RABGEF1: variants seen among roughly 807,000 people sequenced by gnomAD.
RABGEF1 encodes rab5 GDP/GTP exchange factor.
A neutral mutation model predicts 57.3 loss-of-function variants in RABGEF1; 26 were observed. The ratio of observed to expected loss-of-function variants is 0.45; its 90% CI spans 0.33 to 0.63. The LOEUF (loss-of-function observed/expected upper bound fraction) is 0.63. RABGEF1 is among the 20% of genes least tolerant of loss of function. The pLI is 0.02. For synonymous variants in RABGEF1, 185 were observed against 210.7 expected, an observed-to-expected ratio of 0.88 and a Z score of 1.06; for missense variants, 464 against 607.6, an observed-to-expected ratio of 0.76 and a Z score of 2.48.
intron 1 of RABGEF1, among the ~76,000 whole-genome samples, chr7:66,770,698 G>T (rs1806879871): frequency 6.6e-6 from 1 of 152,132 alleles, no homozygotes. Context: ...TGCCCAGGCT[G>T]GTCCTGAACT....
chr7:66,782,012 TAGTAG>T (rs957544372), intron 3 of RABGEF1, among the ~76,000 whole-genome samples: 2 of 152,216 alleles, frequency 1.3e-5, no homozygotes, highest in African/African-American at 4.8e-5. Flanking sequence ...GTTGTTAAGA[TAGTAG>T]AGTAAACCTG....
rs528140710 is a variant in RABGEF1, at chr7:66,703,178, G to A, written c.-872-8989G>A. On this transcript the variant is annotated intron_variant and NMD_transcript_variant, in intron 1 of 9. Transcript: ENST00000607882. ...TTTTTAGTAGAAATGGGGTTTCACCGTGTTACAGAATGGTCTCATCTCCTG... is the reference window on the plus strand; with the variant it reads ...TTTTTAGTAGAAATGGGGTTTCACCATGTTACAGAATGGTCTCATCTCCTG... 1.9e-4 allele frequency among the ~76,000 whole-genome samples: 29 copies of A among 152,184 alleles called. No individual in the cohort carries two copies. In the South Asian group the frequency reaches 5.2e-3, roughly 27 times the overall value.
chr7:66,799,646 ACTAAGGT>A (rs1213290681), intron 7 of RABGEF1, among the ~76,000 whole-genome samples: 2 of 152,154 alleles, frequency 1.3e-5, no homozygotes, highest in Admixed American at 1.3e-4. Context: ...ATTAAACTAA[ACTAAGGT>A]CAAATGCAGA....
the RABGEF1 span, among the ~76,000 whole-genome samples, chr7:66,658,926 G>A: frequency 2.3e-3 from 345 of 152,022 alleles, 2 homozygotes; most frequent in African/African-American, 8.1e-3. Flanking sequence ...TAGCGGAGAC[G>A]GGGTTTCACT....
intron 1 of RABGEF1, among the ~76,000 whole-genome samples, chr7:66,692,683 C>A (rs1482659032): frequency 2.0e-5 from 3 of 150,466 alleles, no homozygotes; most frequent in Non-Finnish European, 3.0e-5. Flanking sequence ...CCCTTCCCCA[C>A]CCGCCTCCCA....
chr7:66,722,566 G>A (rs1446983355), intron 2 of RABGEF1, among the ~76,000 whole-genome samples: 1 of 152,226 alleles, frequency 6.6e-6, no homozygotes, highest in Non-Finnish European at 1.5e-5. Flanking sequence ...TGCTTTAGGT[G>A]TTGTATCTAA....
At chr7:66,779,486 A>G (rs1449335609) in intron 3 of RABGEF1, among the ~76,000 whole-genome samples, 1 of 152,082 alleles carries the variant, frequency 6.6e-6, no homozygotes, top group Admixed American at 6.5e-5. Flanking sequence ...CCTGGGCAAC[A>G]ATGTGAGGCC....
chr7:66,766,926 G>GTCTCTTGGTCAGTA (rs1205901773), intron 1 of RABGEF1, among the ~76,000 whole-genome samples: 2 of 149,454 alleles, frequency 1.3e-5, no homozygotes, highest in African/African-American at 2.5e-5. Flanking sequence ...AATTGTAGTT[G>GTCTCTTGGTCAGTA]TCTCTTGGTC....
intron 1 of RABGEF1, among the ~76,000 whole-genome samples, chr7:66,761,318 G>GTTGC (rs1804291357): frequency 6.6e-6 from 1 of 152,192 alleles, no homozygotes; most frequent in African/African-American, 2.4e-5. Context: ...TGGGCCTCCA[G>GTTGC]AAGTTCTAAC....
chr7:66,728,912 GCATCTTCACCTCCATCCAAATCTC>G (rs960150414), intron 2 of RABGEF1, among the ~76,000 whole-genome samples: 12 of 12,220 alleles, frequency 9.8e-4, no homozygotes, highest in African/African-American at 2.6e-3. Context: ...ACGCTCACCT[GCATCTTCACCTCCATCCAAATCTC>G]CATCTTCACC....
At chr7:66,733,096 G>A (rs1228631782) in intron 2 of RABGEF1, among the ~76,000 whole-genome samples, 2 of 152,190 alleles carry the variant, frequency 1.3e-5, no homozygotes, top group Non-Finnish European at 2.9e-5. Flanking sequence ...AGGCATTGGT[G>A]CTCTCTGGTT....
intron 4 of RABGEF1, among the ~76,000 whole-genome samples, chr7:66,794,264 C>A (rs370687957): frequency 5.5e-4 from 17 of 30,724 alleles, no homozygotes; most frequent in Non-Finnish European, 1.1e-3. Context: ...TTTTTAATTT[C>A]TTTCTTTCTC....
chr7:66,656,001 G>GGA, the RABGEF1 span, among the ~76,000 whole-genome samples: 3 of 152,206 alleles, frequency 2.0e-5, no homozygotes, highest in Admixed American at 1.3e-4. Context: ...CGTGGAGCCT[G>GGA]GAAGGGATCG....
intron 4 of RABGEF1, among the ~76,000 whole-genome samples, chr7:66,785,820 G>A (rs918513436): frequency 1.3e-5 from 2 of 152,046 alleles, no homozygotes; most frequent in African/African-American, 2.4e-5. Context: ...CTTGCAGTGA[G>A]CGGAGATTGC....
the RABGEF1 span, among the ~76,000 whole-genome samples, chr7:66,663,093 TAAC>T: frequency 0.037 from 5,583 of 152,344 alleles, 160 homozygotes; most frequent in East Asian, 0.088. Flanking sequence ...CCACAAATAA[TAAC>T]ATGAGCGCTC....
chr7:66,809,377 CT>C lies in RABGEF1; in HGVS notation c.*95del. The C allele has an allele frequency of 7.8e-7, 1 of 1,281,120 alleles. No individual in the cohort carries two copies. The highest frequency in any genetic ancestry group is 1.0e-6 in the Non-Finnish European group (1 of 989,374). 79.4% of individuals were successfully genotyped at this position (1,281,120 alleles called of 1,614,324 possible). A position where few individuals can be genotyped will look rare whatever the true frequency, so the allele number is the denominator to read the frequency against. On this transcript the variant is annotated 3_prime_UTR_variant, in exon 9 of 9. Coordinates refer to ENST00000284957, the MANE Select transcript of RABGEF1 (RefSeq NM_014504.3). ...TGGGATCTAGAATGTAACTAAATTG[CT>C]TATAAATGTCAGCATTTTTTAAAGG...
chr7:66,791,994 C>A (rs1812784206), intron 4 of RABGEF1, among the ~76,000 whole-genome samples: 1 of 151,984 alleles, frequency 6.6e-6, no homozygotes, highest in Admixed American at 6.6e-5. Flanking sequence ...TGCCTGTAGT[C>A]CCAGCTACTC....
intron 2 of RABGEF1, among the ~76,000 whole-genome samples, chr7:66,772,806 G>T (rs1365226291): frequency 2.0e-5 from 3 of 151,812 alleles, no homozygotes; most frequent in Non-Finnish European, 4.4e-5. Context: ...CAGCTACTTG[G>T]GAGACTGAGG....
At chr7:66,742,798 T>G (rs1458946384) in intron 1 of RABGEF1, among the ~76,000 whole-genome samples, 6 of 152,110 alleles carry the variant, frequency 3.9e-5, no homozygotes, top group African/African-American at 1.4e-4. Context: ...GTAAAGATGT[T>G]GTCTTGCTGT....
Sources: allele counts gnomAD v4.1 joint callset (sites outside exome capture counted in the v4.1 genomes callset), GRCh38; gene constraint gnomAD v4.1.1; transcripts MANE v1.5; gene names NCBI Gene and HGNC (gene_info 2026-07-23, HGNC 2026-07-21).